SLIT2: variants seen among roughly 807,000 people sequenced by gnomAD.
The protein encoded by SLIT2 is slit homolog 2 protein.
In SLIT2, 41 loss-of-function variants were observed where a neutral mutation model predicts 185.7. That is an observed-to-expected ratio of 0.22 (90% CI 0.17 to 0.29). The LOEUF is 0.29. Ranked by LOEUF, SLIT2 falls within the 10% of genes least tolerant of loss-of-function variation. The pLI is 1.00. For synonymous variants in SLIT2, 693 were observed against 680.2 expected (o/e 1.02, Z -0.29); for missense variants, 1,571 against 1,909.0 (o/e 0.82, Z 3.30).
At chr4:20,363,110 A>AAT (rs1158382962) in intron 4 of SLIT2, among the ~76,000 whole-genome samples, 1 of 152,064 alleles carries the variant, frequency 6.6e-6, no homozygotes, top group Non-Finnish European at 1.5e-5. Context: ...CCTAATTAAA[A>AAT]ATATATATTG....
At chr4:20,576,376 G>A (rs1235412102) in intron 29 of SLIT2, among the ~76,000 whole-genome samples, 2 of 152,044 alleles carry the variant, frequency 1.3e-5, no homozygotes, top group South Asian at 2.1e-4. Flanking sequence ...ATTTTATTTA[G>A]GGATAGGTCT....
intron 4 of SLIT2, among the ~76,000 whole-genome samples, chr4:20,311,811 A>G (rs1401941110): frequency 6.6e-6 from 1 of 152,190 alleles, no homozygotes. Flanking sequence ...ATGTGTATCC[A>G]ATAAGCTATC....
At chr4:20,353,901 G>A (rs1467996540) in intron 4 of SLIT2, among the ~76,000 whole-genome samples, 1 of 152,148 alleles carries the variant, frequency 6.6e-6, no homozygotes, top group Non-Finnish European at 1.5e-5. Context: ...AGTTTACTAA[G>A]TTTTTGGTAA....
intron 3 of SLIT2, among the ~76,000 whole-genome samples, chr4:20,262,115 G>T (rs906766048): frequency 1.3e-5 from 2 of 151,830 alleles, no homozygotes; most frequent in East Asian, 1.9e-4. Flanking sequence ...TTGATATAAA[G>T]AACATATTCT....
At chr4:20,286,645 AC>A (rs1715294384) in intron 4 of SLIT2, among the ~76,000 whole-genome samples, 1 of 152,138 alleles carries the variant, frequency 6.6e-6, no homozygotes, top group Admixed American at 6.5e-5. Flanking sequence ...TACTAAAAAT[AC>A]AAAAAATTAG....
intron 16 of SLIT2, among the ~76,000 whole-genome samples, chr4:20,531,757 G>GTTT (rs550588895): frequency 2.8e-5 from 4 of 140,684 alleles, no homozygotes; most frequent in African/African-American, 1.0e-4. Context: ...TGATCTTTGT[G>GTTT]TTTTTTTTTT....
chr4:20,278,352 G>A (rs1424961471), intron 4 of SLIT2, among the ~76,000 whole-genome samples: 1 of 152,004 alleles, frequency 6.6e-6, no homozygotes, highest in Non-Finnish European at 1.5e-5. Context: ...AAAAAGCCCT[G>A]CTTTTAACTA....
chr4:20,260,071 T>C (rs187545466), intron 3 of SLIT2, among the ~76,000 whole-genome samples: 1 of 152,004 alleles, frequency 6.6e-6, no homozygotes, highest in Admixed American at 6.6e-5. Flanking sequence ...AAGGAATGCA[T>C]TCAAGTTATT....
At chr4:20,533,948 C>G (rs1443230392) in intron 18 of SLIT2, among the ~76,000 whole-genome samples, 1 of 151,824 alleles carries the variant, frequency 6.6e-6, no homozygotes, top group Non-Finnish European at 1.5e-5. Flanking sequence ...CACACACACA[C>G]ACACACACGT....
In SLIT2 at chr4:20,458,964, C is replaced by T. The variant is rs541890384; in HGVS notation, c.396-8788C>T. 3.3e-5 allele frequency among the ~76,000 whole-genome samples: 5 copies of T among 152,276 alleles called. No individual in the cohort carries two copies. In the East Asian group the frequency reaches 7.7e-4, roughly 23 times the overall value. On this transcript the variant is annotated intron_variant, in intron 4 of 36. Coordinates refer to ENST00000504154, the MANE Select transcript of SLIT2 (RefSeq NM_004787.4). ...TAAATTGCATACTTTTTCACACTTCCATCTGTGGAATTTTACAGTTATTGT... is the reference window on the plus strand; with the variant it reads ...TAAATTGCATACTTTTTCACACTTCTATCTGTGGAATTTTACAGTTATTGT...
intron 4 of SLIT2, among the ~76,000 whole-genome samples, chr4:20,323,115 A>G (rs1393396630): frequency 6.6e-6 from 1 of 152,190 alleles, no homozygotes; most frequent in Non-Finnish European, 1.5e-5. Flanking sequence ...TGAGAGTGGA[A>G]AGACTATGGA....
chr4:20,565,744 C>T (rs920088934), intron 26 of SLIT2, among the ~76,000 whole-genome samples: 5 of 151,986 alleles, frequency 3.3e-5, no homozygotes, highest in African/African-American at 1.2e-4. Context: ...TAAGCACCAC[C>T]TCTTTCCCTT....
In SLIT2 at chr4:20,384,967, G is replaced by T. The variant is rs182667916; in HGVS notation, c.396-82785G>T. The stretch of plus-strand genomic sequence containing the variant: ...CAAAAATTGGAATGCCGTTCAGAAT[G>T]CAAAAGAACTTCCAAAATCTTTACA... On this transcript the variant is annotated intron_variant, in intron 4 of 36. Transcript: ENST00000504154. Among the ~76,000 whole-genome samples the T allele has an allele frequency of 1.4e-4, 21 of 152,292 alleles. No homozygotes were observed. The East Asian group carries it at 2.1e-3, about 15-fold the overall frequency.
At chr4:20,260,812 A>G (rs976052597) in intron 3 of SLIT2, among the ~76,000 whole-genome samples, 7 of 151,846 alleles carry the variant, frequency 4.6e-5, no homozygotes, top group Non-Finnish European at 7.4e-5. Flanking sequence ...ATGAAATACA[A>G]CATTTTCAGA....
intron 4 of SLIT2, among the ~76,000 whole-genome samples, chr4:20,382,689 G>A (rs1724622028): frequency 2.6e-5 from 4 of 152,084 alleles, no homozygotes; most frequent in Admixed American, 2.6e-4. Context: ...AGCATACTAT[G>A]AGTTGGAAGA....
At chr4:20,586,264 A>G (rs1727050498) in intron 29 of SLIT2, among the ~76,000 whole-genome samples, 1 of 152,242 alleles carries the variant, frequency 6.6e-6, no homozygotes, top group Non-Finnish European at 1.5e-5. Flanking sequence ...TAAAGAGAAT[A>G]GCATAAGCTA....
At chr4:20,337,906 T>C (rs747958068) in intron 4 of SLIT2, among the ~76,000 whole-genome samples, 1 of 151,952 alleles carries the variant, frequency 6.6e-6, no homozygotes, top group Non-Finnish European at 1.5e-5. Flanking sequence ...AAAAAAATGA[T>C]GCCACTAAAT....
intron 4 of SLIT2, among the ~76,000 whole-genome samples, chr4:20,284,591 G>A (rs1466764779): frequency 2.6e-5 from 4 of 152,184 alleles, no homozygotes; most frequent in African/African-American, 9.7e-5. Context: ...TTTCTTGATA[G>A]TGTTTGAGTT....
intron 4 of SLIT2, among the ~76,000 whole-genome samples, chr4:20,330,306 G>C (rs1719955276): frequency 6.6e-6 from 1 of 151,984 alleles, no homozygotes; most frequent in Non-Finnish European, 1.5e-5. Flanking sequence ...ATAACTTATT[G>C]TTGGTTTAAG....
Sources: gnomAD v4.1 joint callset for allele counts (sites outside exome capture counted in the v4.1 genomes callset) on GRCh38, gnomAD v4.1.1 for gene constraint, MANE v1.5 for transcripts, NCBI Gene and HGNC (gene_info 2026-07-23, HGNC 2026-07-21) for gene names.